The following KIR2DL3 variants were observed in gnomAD, a reference collection of about 807,000 sequenced individuals.
The protein encoded by KIR2DL3 is killer cell immunoglobulin-like receptor 2DL3.
In KIR2DL3, 39 loss-of-function variants were observed where a neutral mutation model predicts 33.8. That is an observed-to-expected ratio of 1.15 (90% CI 0.89 to 1.51). KIR2DL3 has a LOEUF of 1.51. Ranked by LOEUF, KIR2DL3 falls within the 40% of genes most tolerant of loss-of-function variation. The probability of loss-of-function intolerance (pLI) is 0.00; values close to 1 mark genes in which losing one functional copy is unlikely to be tolerated. For missense variants in KIR2DL3, 462 were observed against 426.2 expected (o/e 1.08, Z -0.74); for synonymous variants, 174 against 160.2 (o/e 1.09, Z -0.65).
chr19:54,742,537 T>A (rs1471145368), intron 3 of KIR2DL3, among the ~76,000 whole-genome samples: 1 of 151,978 alleles, frequency 6.6e-6, no homozygotes, highest in Non-Finnish European at 1.5e-5. Flanking sequence ...CAGACAGACA[T>A]GTCCCAGAGA....
intron 5 of KIR2DL3, among the ~76,000 whole-genome samples, chr19:54,749,033 C>G (rs2073016596): frequency 6.6e-6 from 1 of 152,060 alleles, no homozygotes; most frequent in South Asian, 2.1e-4. Context: ...CGGATTGAAC[C>G]CCTGAAAGAT....
At chr19:54,746,747 C>G (rs2072552217) in intron 4 of KIR2DL3, among the ~76,000 whole-genome samples, 2 of 149,970 alleles carry the variant, frequency 1.3e-5, no homozygotes, top group South Asian at 4.3e-4. Flanking sequence ...CTTTGGGAGC[C>G]CAAGGCGGGT....
At chr19:54,738,999 G>C (rs1268724530) in intron 1 of KIR2DL3, among the ~76,000 whole-genome samples, 3 of 148,402 alleles carry the variant, frequency 2.0e-5, no homozygotes, top group African/African-American at 5.0e-5. Flanking sequence ...GTGGAGATAC[G>C]GGCCTGCAGT....
Position 54,743,872 on chromosome 19 carries a change from A to T in KIR2DL3, c.448A>T (p.Ser150Cys), listed in dbSNP as rs762808021. ...AGGAGAGAGCGTGACCTTGTCCTGC[A>T]GCTCCCGGAGCTCCTATGACATGTA... is the stretch of plus-strand genomic sequence containing the variant. Reference protein sequence around the residue: ...LAGESVTLSCSSRSSYDMYHL... With the variant: ...LAGESVTLSCCSRSSYDMYHL... The change falls in exon 4 of 8, where the codon AGC (serine) becomes TGC (cysteine). Residue 150 changes from serine to cysteine, a missense_variant. Physicochemically the swap from Ser to Cys is moderately radical, Grantham distance 112. Coordinates refer to ENST00000342376, the MANE Select transcript of KIR2DL3 (RefSeq NM_015868.3). 1 of 1,613,732 alleles carries T rather than the reference A, an allele frequency of 6.2e-7. No homozygotes were observed. The highest frequency in any genetic ancestry group is 8.5e-7 in the Non-Finnish European group (1 of 1,179,894).
chr19:54,744,707 AG>A (rs1381669853), intron 4 of KIR2DL3, among the ~76,000 whole-genome samples: 2 of 149,880 alleles, frequency 1.3e-5, no homozygotes, highest in Non-Finnish European at 3.0e-5. Flanking sequence ...TTGTATTTTT[AG>A]TAGAGAGGGG....
intron 4 of KIR2DL3, among the ~76,000 whole-genome samples, chr19:54,744,906 A>T: frequency 1.9e-5 from 1 of 51,576 alleles, no homozygotes; most frequent in African/African-American, 6.4e-5. Context: ...ATACACACAC[A>T]CACACATATA....
chr19:54,748,992 A>C (rs1323503287), intron 5 of KIR2DL3, among the ~76,000 whole-genome samples: 2 of 151,964 alleles, frequency 1.3e-5, no homozygotes, highest in African/African-American at 2.4e-5. Flanking sequence ...AGGTCTCACT[A>C]TTCAGATATT....
Position 54,752,314 on chromosome 19 carries a change from G to A in KIR2DL3, c.873+46G>A. On this transcript the variant is annotated intron_variant, in intron 7 of 7. Transcript: ENST00000342376. The stretch of plus-strand genomic sequence containing the variant: ...CCTCGTGGCTAGTGTTATTCCCAAA[G>A]AGTCCTGGAAAATGTGAGCACCCTC... 2.0e-6 allele frequency: 3 copies of A among 1,464,628 alleles called. 1 individual carries two copies. The highest frequency in any genetic ancestry group is 2.8e-6 in the Non-Finnish European group (3 of 1,077,954). The allele number at this position is 1,464,628 out of a possible 1,614,324, so 90.7% of individuals were successfully genotyped here.
At chr19:54,748,127 T>G (rs4806536) in intron 5 of KIR2DL3, among the ~76,000 whole-genome samples, 2 of 150,236 alleles carry the variant, frequency 1.3e-5, no homozygotes, top group African/African-American at 4.9e-5. Context: ...CCCAGTTCCT[T>G]GGCTCCTGTT....
chr19:54,750,937 C>T (rs1360985753), intron 5 of KIR2DL3, among the ~76,000 whole-genome samples: 1 of 133,590 alleles, frequency 7.5e-6, no homozygotes, highest in African/African-American at 2.8e-5. Context: ...CACTGCATGA[C>T]GTCCTCCTCC....
chr19:54,747,681 A>T (rs2072762858), intron 5 of KIR2DL3, among the ~76,000 whole-genome samples: 1 of 152,176 alleles, frequency 6.6e-6, no homozygotes, highest in African/African-American at 2.4e-5. Context: ...TCCTAACTGG[A>T]GGATAAATTC....
At chr19:54,740,729 A>G (rs1391753959) in intron 2 of KIR2DL3, among the ~76,000 whole-genome samples, 2 of 151,920 alleles carry the variant, frequency 1.3e-5, no homozygotes, top group African/African-American at 2.4e-5. Context: ...AGTGATGACT[A>G]CATTCTAATC....
At chr19:54,739,300 G>C (rs1253100867) in intron 1 of KIR2DL3, among the ~76,000 whole-genome samples, 2 of 151,978 alleles carry the variant, frequency 1.3e-5, no homozygotes, top group Non-Finnish European at 2.9e-5. Flanking sequence ...CTGGAGTGGA[G>C]ATATGGGCTT....
intron 5 of KIR2DL3, among the ~76,000 whole-genome samples, chr19:54,748,931 T>TTCAAAA (rs1259591034): frequency 1.3e-5 from 2 of 150,874 alleles, no homozygotes; most frequent in African/African-American, 2.4e-5. Context: ...CCAGCCAGAA[T>TTCAAAA]TCAAAATCAA....
chr19:54,745,731 C>A (rs964560503), intron 4 of KIR2DL3, among the ~76,000 whole-genome samples: 10 of 151,622 alleles, frequency 6.6e-5, no homozygotes, highest in Non-Finnish European at 1.5e-4. Flanking sequence ...ACACTCCTAC[C>A]AACAGGGTAT....
chr19:54,752,639 G>A lies in KIR2DL3; in HGVS notation c.*120G>A, dbSNP rs2073660764. The A allele has an allele frequency of 7.8e-7, 1 of 1,278,170 alleles. No individual in the cohort carries two copies. Among genetic ancestry groups the A allele is most frequent in the African/African-American group, 1.6e-5 (1 of 60,726 alleles). The allele number at this position is 1,278,170 out of a possible 1,614,324, so 79.2% of individuals were successfully genotyped here. On this transcript the variant is annotated 3_prime_UTR_variant, in exon 8 of 8. Transcript: ENST00000342376. The stretch of plus-strand genomic sequence containing the variant: ...TCCAATGTACCAGCAGCTGGAATCT[G>A]AAGGCGTGAGTCTGCATCTTAGGGC...
Position 54,739,840 on chromosome 19 carries a change from T to C in KIR2DL3, c.70+298T>C, listed in dbSNP as rs375452286. 8.6e-3 allele frequency among the ~76,000 whole-genome samples: 1,288 copies of C among 150,058 alleles called. 7 individuals are homozygous for C. The highest frequency in any genetic ancestry group is 0.011 in the African/African-American group (470 of 40,874). Reference sequence around the variant, plus strand: ...CTCACACACTTCAGCGTTTCCATGATGGTAGGGGCTGCAGTGTGGCTGCTG... The same window carrying C: ...CTCACACACTTCAGCGTTTCCATGACGGTAGGGGCTGCAGTGTGGCTGCTG... On this transcript the variant is annotated intron_variant, in intron 2 of 7. Transcript: ENST00000342376.
intron 4 of KIR2DL3, among the ~76,000 whole-genome samples, chr19:54,745,558 T>C (rs1268425898): frequency 6.6e-6 from 1 of 150,924 alleles, no homozygotes; most frequent in East Asian, 2.0e-4. Context: ...TAGATGGGGT[T>C]TCCCCATGTT....
chr19:54,746,839 T>G (rs773296871), intron 4 of KIR2DL3, among the ~76,000 whole-genome samples: 3 of 147,322 alleles, frequency 2.0e-5, no homozygotes, highest in Admixed American at 7.0e-5. Flanking sequence ...AAAAATTAGC[T>G]GAGCATGGTG....
Sources: allele counts gnomAD v4.1 joint callset (sites outside exome capture counted in the v4.1 genomes callset), GRCh38; gene constraint gnomAD v4.1.1; transcripts MANE v1.5; gene names NCBI Gene and HGNC (gene_info 2026-07-23, HGNC 2026-07-21).